Variants in TTC17 observed in about 807,000 individuals in gnomAD.
TTC17 encodes the protein tetratricopeptide repeat protein 17.
A neutral mutation model predicts 143.8 loss-of-function variants in TTC17; 58 were observed. That is an observed-to-expected ratio of 0.40 (90% CI 0.33 to 0.50). TTC17 has a LOEUF of 0.50. Among genes scored for constraint, TTC17 ranks in the 20% least tolerant of loss-of-function variants. TTC17 has a pLI of 0.49. For synonymous variants in TTC17, 501 were observed against 497.8 expected, an observed-to-expected ratio of 1.01 and a Z score of -0.09; for missense variants, 1,273 against 1,392.5, an observed-to-expected ratio of 0.91 and a Z score of 1.37.
chr11:43,393,435 C>T (rs1429606748), intron 5 of TTC17, among the ~76,000 whole-genome samples: 1 of 151,156 alleles, frequency 6.6e-6, no homozygotes, highest in African/African-American at 2.4e-5. Context: ...GTGCACAGAG[C>T]TTCCATGTCC....
intron 16 of TTC17, among the ~76,000 whole-genome samples, chr11:43,426,731 G>A (rs189650810): frequency 9.2e-5 from 14 of 152,272 alleles, no homozygotes; most frequent in Admixed American, 3.3e-4. Context: ...GGAATAACTA[G>A]GATCTTGAGT....
At chr11:43,432,989 GTGTTT>G (rs58503177) in intron 16 of TTC17, among the ~76,000 whole-genome samples, 4 of 150,990 alleles carry the variant, frequency 2.6e-5, no homozygotes, top group African/African-American at 4.9e-5. Flanking sequence ...GGTTTTTTGG[GTGTTT>G]TGTTTTGTTT....
chr11:43,441,348 CAGGT>C (rs1448433833), intron 16 of TTC17, among the ~76,000 whole-genome samples: 3 of 151,246 alleles, frequency 2.0e-5, no homozygotes, highest in South Asian at 4.2e-4. Context: ...AATCCTGTCT[CAGGT>C]AGTCCGCCTT....
At chr11:43,369,833 T>G (rs1010382697) in intron 1 of TTC17, among the ~76,000 whole-genome samples, 3 of 152,116 alleles carry the variant, frequency 2.0e-5, no homozygotes, top group Admixed American at 6.6e-5. Flanking sequence ...GCCAGGCTGG[T>G]CTCGAACTCC....
At chr11:43,433,075 G>A (rs7102733) in intron 16 of TTC17, among the ~76,000 whole-genome samples, 149,555 of 152,250 alleles carry the variant, frequency 0.98, 73,510 homozygotes, top group East Asian at 1. Context: ...GTCTCGGCTC[G>A]CTGCAACCTC....
chr11:43,401,112 T>C (rs1857833873), intron 9 of TTC17, among the ~76,000 whole-genome samples: 1 of 152,132 alleles, frequency 6.6e-6, no homozygotes, highest in South Asian at 2.1e-4. Context: ...AATTATGAAG[T>C]ATGTAAAGCA....
Position 43,407,620 on chromosome 11 carries a change from G to A in TTC17, c.2064+43G>A, listed in dbSNP as rs1189487526. On this transcript the variant is annotated intron_variant, in intron 15 of 23. Coordinates refer to ENST00000039989, the MANE Select transcript of TTC17 (RefSeq NM_018259.6). ...TTCATAGTTCCGTATACTATGTAGG[G>A]TAACTCAAATTTAGATTACAATTTG... The A allele has an allele frequency of 5.9e-6, 9 of 1,532,364 alleles. No homozygotes were observed. The South Asian group carries it at 1.1e-4, about 18-fold the overall frequency. The allele number at this position is 1,532,364 out of a possible 1,614,324, so 94.9% of individuals were successfully genotyped here.
chr11:43,436,584 A>G (rs1590417172), intron 16 of TTC17, among the ~76,000 whole-genome samples: 1 of 152,160 alleles, frequency 6.6e-6, no homozygotes. Context: ...TGTTACTGGT[A>G]TATTGAGTAA....
At chr11:43,481,433 C>A (rs182312600) in intron 21 of TTC17, among the ~76,000 whole-genome samples, 22 of 152,166 alleles carry the variant, frequency 1.4e-4, no homozygotes, top group Admixed American at 1.3e-3. Flanking sequence ...GTTTCCTTCA[C>A]TTTAGTTTTC....
intron 16 of TTC17, among the ~76,000 whole-genome samples, chr11:43,440,217 C>T (rs964106045): frequency 6.6e-6 from 1 of 150,614 alleles, no homozygotes; most frequent in Non-Finnish European, 1.5e-5. Flanking sequence ...TACATTCCTC[C>T]ATCCATTCTT....
intron 21 of TTC17, among the ~76,000 whole-genome samples, chr11:43,471,161 G>A (rs1034570227): frequency 7.2e-5 from 11 of 152,242 alleles, no homozygotes; most frequent in South Asian, 4.1e-4. Context: ...GGGCTCCACC[G>A]GTGGCCCTAG....
intron 16 of TTC17, among the ~76,000 whole-genome samples, chr11:43,430,201 G>A (rs1217391878): frequency 6.6e-6 from 1 of 152,200 alleles, no homozygotes; most frequent in East Asian, 1.9e-4. Context: ...GCCAAAGAGG[G>A]CAGATTGCTT....
intron 3 of TTC17, 105 bp downstream of exon 3, chr11:43,389,926 T>G: frequency 9.4e-7 from 1 of 1,061,318 alleles, no homozygotes; most frequent in Non-Finnish European, 1.3e-6. Context: ...CAATCACAGA[T>G]GAGTTTTCGA....
intron 21 of TTC17, among the ~76,000 whole-genome samples, chr11:43,468,518 A>G (rs984394688): frequency 6.6e-6 from 1 of 152,244 alleles, no homozygotes; most frequent in Non-Finnish European, 1.5e-5. Flanking sequence ...ATAAAAGTAA[A>G]GCTAAAGCAA....
intron 2 of TTC17, among the ~76,000 whole-genome samples, chr11:43,379,818 A>C (rs184617342): frequency 6.4e-4 from 98 of 152,304 alleles, no homozygotes; most frequent in Non-Finnish European, 1.1e-3. Flanking sequence ...CTCGAATCTT[A>C]TTAGTGCTAA....
intron 1 of TTC17, among the ~76,000 whole-genome samples, chr11:43,366,749 G>A (rs1024160744): frequency 6.6e-6 from 1 of 151,966 alleles, no homozygotes; most frequent in African/African-American, 2.4e-5. Flanking sequence ...TATGTGACCT[G>A]GCCCTTCCTC....
rs571387444 is a variant in TTC17 at position 43,403,367 on chromosome 11, C to T, written c.1333-631C>T. 2.6e-5 allele frequency among the ~76,000 whole-genome samples: 4 copies of T among 152,268 alleles called. No homozygotes were observed. In the East Asian group the frequency reaches 7.7e-4, roughly 29 times the overall value. Reference sequence around the variant, plus strand: ...TCCTTTTCCTTTTGTCTTTCCTACCCCATCCCATCCCCAGTCCCATTCTCA... The same window carrying T: ...TCCTTTTCCTTTTGTCTTTCCTACCTCATCCCATCCCCAGTCCCATTCTCA... On this transcript the variant is annotated intron_variant, in intron 10 of 23. Transcript: ENST00000039989.
intron 16 of TTC17, among the ~76,000 whole-genome samples, chr11:43,428,973 A>C (rs929326339): frequency 5.3e-5 from 8 of 152,214 alleles, no homozygotes; most frequent in Non-Finnish European, 1.2e-4. Flanking sequence ...AACCTTCTGC[A>C]AAGAATTTCA....
At chr11:43,443,697 C>A in intron 17 of TTC17, 113 bp downstream of exon 17, 1 of 1,311,470 alleles carries the variant, frequency 7.6e-7, no homozygotes, top group Non-Finnish European at 1.0e-6. Flanking sequence ...GCTATGCACT[C>A]CAGGACAGCC....
Sources: allele counts gnomAD v4.1 joint callset (sites outside exome capture counted in the v4.1 genomes callset), GRCh38; gene constraint gnomAD v4.1.1; transcripts MANE v1.5; gene names NCBI Gene and HGNC (gene_info 2026-07-23, HGNC 2026-07-21).